EYS: variants seen among roughly 807,000 people sequenced by gnomAD.
EYS encodes the protein protein eyes shut homolog.
EYS carries 250 observed loss-of-function variants against 282.1 expected under a neutral mutation model. The observed-to-expected ratio is 0.89, with a 90% CI of 0.80 to 0.98. EYS has a LOEUF of 0.98. EYS is among the 50% of genes least tolerant of loss of function. EYS has a pLI of 0.00. For missense variants in EYS, 4,016 were observed against 3,709.0 expected, an observed-to-expected ratio of 1.08 and a Z score of -2.15; for synonymous variants, 1,355 against 1,282.9, an observed-to-expected ratio of 1.06 and a Z score of -1.20.
rs797045089 is a variant in EYS at position 64,081,899 on chromosome 6, G to T, written c.6528C>A (p.Tyr2176Ter). 14 of 1,542,970 alleles carry T rather than the reference G, an allele frequency of 9.1e-6. No individual in the cohort carries two copies. Among genetic ancestry groups the T allele is most frequent in the Non-Finnish European group, 1.2e-5 (14 of 1,140,218 alleles). ...TTAAACTGTTTGTTTTTATAGTCAA[G>T]TAGATGGTAACAGTTCTGTTATGTT... ...EKEHNRTVTIYLTIKTNSLNG... is the reference protein window; with the variant it reads ...EKEHNRTVTI The change falls in exon 32 of 43, where the codon TAC becomes TAA. Residue 2176 changes from tyrosine to a stop codon, truncating the protein, a stop_gained. Coordinates refer to ENST00000503581, the MANE Select transcript of EYS (RefSeq NM_001142800.2). LOFTEE classifies it high-confidence loss of function.
chr6:64,699,836 C>A (rs1407017501), intron 22 of EYS, among the ~76,000 whole-genome samples: 1 of 152,000 alleles, frequency 6.6e-6, no homozygotes, highest in Non-Finnish European at 1.5e-5. Context: ...TCCTCCATAA[C>A]CCATTTTACA....
At chr6:64,169,619 G>A (rs902955903) in intron 31 of EYS, among the ~76,000 whole-genome samples, 1 of 152,044 alleles carries the variant, frequency 6.6e-6, no homozygotes, top group African/African-American at 2.4e-5. Flanking sequence ...TTTTGTTAAG[G>A]TGTTAGCCCA....
intron 19 of EYS, 121 bp from the exon 20 acceptor site, chr6:64,822,943 AT>A (rs1764944543): frequency 1.4e-6 from 1 of 717,294 alleles, no homozygotes; most frequent in Admixed American, 3.4e-5. Context: ...ATAACTTGGT[AT>A]TTGGTAGCAA....
At chr6:65,593,195 C>T (rs754223739) in intron 2 of EYS, among the ~76,000 whole-genome samples, 2 of 152,028 alleles carry the variant, frequency 1.3e-5, no homozygotes, top group African/African-American at 2.4e-5. Context: ...TGTCATCTGT[C>T]TTTCCAAAAC....
At chr6:65,371,735 C>G (rs942564753) in intron 8 of EYS, among the ~76,000 whole-genome samples, 34 of 47,902 alleles carry the variant, frequency 7.1e-4, no homozygotes, top group African/African-American at 2.2e-3. Flanking sequence ...CTCTCTCTCT[C>G]TCTCTCTGTG....
chr6:64,896,542 G>T (rs1266814641), intron 18 of EYS, among the ~76,000 whole-genome samples: 1 of 86,336 alleles, frequency 1.2e-5, no homozygotes, highest in Non-Finnish European at 2.8e-5. Flanking sequence ...TGCAGGAGTT[G>T]TTGTTTTTTT....
rs751653903 is a variant in EYS, at chr6:64,592,016, G to A, written c.3878-27C>T. 46 of 1,433,042 alleles carry A rather than the reference G, an allele frequency of 3.2e-5. No individual in the cohort carries two copies. In the East Asian group the frequency reaches 1.1e-3, roughly 33 times the overall value. 88.8% of individuals were successfully genotyped at this position (1,433,042 alleles called of 1,614,324 possible). ...TACAAAAAGGAAAAAAGCCAAAAAG[G>A]TTAGAAAAATGAATCAGAAACGAAC... On this transcript the variant is annotated intron_variant, in intron 25 of 42. Coordinates refer to ENST00000503581, the MANE Select transcript of EYS (RefSeq NM_001142800.2).
chr6:64,387,133 A>C (rs1643384869), intron 29 of EYS, among the ~76,000 whole-genome samples: 1 of 151,820 alleles, frequency 6.6e-6, no homozygotes, highest in Admixed American at 6.6e-5. Context: ...AATTATGTCT[A>C]CTCCACCTCC....
intron 13 of EYS, among the ~76,000 whole-genome samples, chr6:65,014,057 A>G (rs981823573): frequency 6.6e-6 from 1 of 152,210 alleles, no homozygotes; most frequent in African/African-American, 2.4e-5. Context: ...CAGAGGCATT[A>G]TCCTACTTGC....
At chr6:65,113,965 G>T (rs16880343) in intron 12 of EYS, among the ~76,000 whole-genome samples, 39,771 of 151,810 alleles carry the variant, frequency 0.26, 6,381 homozygotes, top group African/African-American at 0.45. Context: ...CTTATTAAAC[G>T]ATGGCACTAA....
chr6:64,200,135 A>G (rs1277904336), intron 31 of EYS, among the ~76,000 whole-genome samples: 11 of 152,226 alleles, frequency 7.2e-5, no homozygotes, highest in African/African-American at 2.7e-4. Flanking sequence ...GAAAAACTAT[A>G]GAGGCAGTAA....
intron 1 of EYS, among the ~76,000 whole-genome samples, chr6:65,668,727 A>G (rs760857423): frequency 4.9e-4 from 75 of 152,016 alleles, no homozygotes; most frequent in Non-Finnish European, 9.4e-4. Context: ...ATCTCTTATT[A>G]GCCTTTAAAC....
intron 12 of EYS, among the ~76,000 whole-genome samples, chr6:65,233,367 A>G (rs772451500): frequency 6.6e-6 from 1 of 152,110 alleles, no homozygotes; most frequent in Admixed American, 6.6e-5. Flanking sequence ...ATTTGTTTGC[A>G]TAGTGATTTG....
At chr6:64,571,666 T>C (rs1765729526) in intron 26 of EYS, among the ~76,000 whole-genome samples, 1 of 152,094 alleles carries the variant, frequency 6.6e-6, no homozygotes, top group Non-Finnish European at 1.5e-5. Context: ...GCAAATAAAC[T>C]ATAAAATCTA....
chr6:64,340,080 C>A (rs532955740), intron 29 of EYS, among the ~76,000 whole-genome samples: 5 of 151,320 alleles, frequency 3.3e-5, no homozygotes, highest in Non-Finnish European at 7.4e-5. Context: ...CAAATAAAAA[C>A]GTATGCACAT....
At chr6:64,523,541 A>T (rs1483621896) in intron 26 of EYS, among the ~76,000 whole-genome samples, 1 of 151,806 alleles carries the variant, frequency 6.6e-6, no homozygotes, top group East Asian at 1.9e-4. Context: ...AATACTTGGA[A>T]TGGAAGACAC....
At chr6:64,984,239 T>C (rs909579336) in intron 14 of EYS, among the ~76,000 whole-genome samples, 5 of 151,310 alleles carry the variant, frequency 3.3e-5, no homozygotes, top group African/African-American at 4.8e-5. Flanking sequence ...TCCAATCATG[T>C]AGAAGCAGAG....
chr6:63,876,881 C>T (rs1772987538), intron 35 of EYS, among the ~76,000 whole-genome samples: 1 of 152,022 alleles, frequency 6.6e-6, no homozygotes. Flanking sequence ...TGAGATGGGT[C>T]TCCTGAATAC....
In EYS at chr6:65,207,610, T is replaced by C. The variant is rs950041573; in HGVS notation, c.2023+88253A>G. Among the ~76,000 whole-genome samples, 14 of 151,672 alleles carry C rather than the reference T, an allele frequency of 9.2e-5. No homozygotes were observed. In the East Asian group the frequency reaches 2.7e-3, roughly 29 times the overall value. On this transcript the variant is annotated intron_variant, in intron 12 of 42. Transcript: ENST00000503581. ...AAAGAACAAAGCCGGAGACATCACATTACCTGACGATAACACATACTACAA... is the reference window on the plus strand; with the variant it reads ...AAAGAACAAAGCCGGAGACATCACACTACCTGACGATAACACATACTACAA...
Sources: allele counts gnomAD v4.1 joint callset (sites outside exome capture counted in the v4.1 genomes callset), GRCh38; gene constraint gnomAD v4.1.1; transcripts MANE v1.5; gene names NCBI Gene and HGNC (gene_info 2026-07-23, HGNC 2026-07-21).